SLC12A8: variants seen among roughly 807,000 people sequenced by gnomAD.
SLC12A8 encodes cation-chloride cotransporter 9.
Under a neutral mutation model 75.6 loss-of-function variants are expected in SLC12A8, and 69 were observed. The ratio of observed to expected loss-of-function variants is 0.91; its 90% CI spans 0.75 to 1.11. SLC12A8 has a LOEUF of 1.11. SLC12A8 is among the 50% of genes most tolerant of loss of function. The probability of loss-of-function intolerance (pLI) is 0.00; values close to 1 mark genes in which losing one functional copy is unlikely to be tolerated. For missense variants in SLC12A8, 877 were observed against 896.7 expected (o/e 0.98, Z 0.28); for synonymous variants, 365 against 372.8 (o/e 0.98, Z 0.24).
chr3:125,208,787 CACACAGAGAGAG>C (rs1343193068), intron 2 of SLC12A8, among the ~76,000 whole-genome samples: 1 of 106,298 alleles, frequency 9.4e-6, no homozygotes. Context: ...CACACACACA[CACACAGAGAGAG>C]AGAGAGAGAG....
intron 6 of SLC12A8, among the ~76,000 whole-genome samples, chr3:125,125,211 T>C (rs1010562048): frequency 2.6e-5 from 4 of 151,982 alleles, no homozygotes; most frequent in Non-Finnish European, 2.9e-5. Context: ...CATTTTATAA[T>C]TACTATTTGG....
intron 10 of SLC12A8, among the ~76,000 whole-genome samples, chr3:125,102,591 G>C (rs959924120): frequency 6.6e-6 from 1 of 152,158 alleles, no homozygotes; most frequent in Non-Finnish European, 1.5e-5. Flanking sequence ...GATGATGAGC[G>C]TCTGCACCAA....
intron 5 of SLC12A8, among the ~76,000 whole-genome samples, chr3:125,146,217 T>C (rs996536157): frequency 1.3e-5 from 2 of 152,150 alleles, no homozygotes; most frequent in Non-Finnish European, 2.9e-5. Context: ...AACAAAACTG[T>C]AGATAAGGGG....
intron 5 of SLC12A8, among the ~76,000 whole-genome samples, chr3:125,153,188 C>T (rs1465786870): frequency 6.6e-6 from 1 of 152,192 alleles, no homozygotes; most frequent in African/African-American, 2.4e-5. Flanking sequence ...CAGTCAGTCA[C>T]TCAGCAAAGT....
At chr3:125,165,713 G>A (rs1934270674) in intron 5 of SLC12A8, among the ~76,000 whole-genome samples, 1 of 152,156 alleles carries the variant, frequency 6.6e-6, no homozygotes, top group South Asian at 2.1e-4. Flanking sequence ...AACCTTCCAC[G>A]CAGTGTGTTC....
chr3:125,205,350 G>A lies in SLC12A8; in HGVS notation c.51+5949C>T, dbSNP rs987335986. Among the ~76,000 whole-genome samples the A allele has an allele frequency of 2.5e-4, 38 of 152,076 alleles. 1 individual carries two copies. Among genetic ancestry groups the A allele is most frequent in the Admixed American group, 2.5e-3 (38 of 15,272 alleles). The stretch of plus-strand genomic sequence containing the variant: ...TTCTCACCTCTGTAAGTTAAAATAC[G>A]GCGGGTACAAATGAGTCACAGAACC... On this transcript the variant is annotated intron_variant, in intron 2 of 13. Transcript: ENST00000469902.
chr3:125,154,654 C>T (rs1350065173), intron 5 of SLC12A8, among the ~76,000 whole-genome samples: 1 of 152,106 alleles, frequency 6.6e-6, no homozygotes, highest in South Asian at 2.1e-4. Context: ...ATATACACCA[C>T]GTTTTTTCCT....
intron 2 of SLC12A8, among the ~76,000 whole-genome samples, chr3:125,195,873 T>C (rs1935000908): frequency 6.6e-6 from 1 of 152,180 alleles, no homozygotes; most frequent in African/African-American, 2.4e-5. Flanking sequence ...TCCTCTGCCC[T>C]TCCCAACCTC....
At chr3:125,152,259 T>C (rs920987705) in intron 5 of SLC12A8, among the ~76,000 whole-genome samples, 1 of 152,182 alleles carries the variant, frequency 6.6e-6, no homozygotes, top group South Asian at 2.1e-4. Flanking sequence ...TGGCTGTTTG[T>C]TTGCTTTAGG....
chr3:125,161,406 TAAGGTC>T (rs1934164330), intron 5 of SLC12A8, among the ~76,000 whole-genome samples: 1 of 152,226 alleles, frequency 6.6e-6, no homozygotes, highest in Non-Finnish European at 1.5e-5. Flanking sequence ...GGATTTTGTT[TAAGGTC>T]AAGTCGGTCT....
intron 6 of SLC12A8, among the ~76,000 whole-genome samples, chr3:125,130,220 C>T (rs569300549): frequency 1.4e-4 from 21 of 152,102 alleles, no homozygotes; most frequent in Non-Finnish European, 2.2e-4. Context: ...GCTTTTTCAG[C>T]GGAAGGACAA....
chr3:125,090,234 T>C (rs1938552829), intron 12 of SLC12A8, among the ~76,000 whole-genome samples: 2 of 152,146 alleles, frequency 1.3e-5, no homozygotes, highest in Non-Finnish European at 2.9e-5. Flanking sequence ...CTGATATCTT[T>C]CTGTTATTTA....
intron 5 of SLC12A8, among the ~76,000 whole-genome samples, chr3:125,172,049 G>C (rs959451369): frequency 1.3e-5 from 2 of 152,042 alleles, no homozygotes; most frequent in African/African-American, 4.8e-5. Context: ...AGAGGCAGGC[G>C]GATCACCTGA....
rs772436266 is a variant in SLC12A8, at chr3:125,108,045, T to A, written c.1141A>T (p.Asn381Tyr). The A allele has an allele frequency of 6.2e-7, 1 of 1,614,074 alleles. No homozygotes were observed. Among genetic ancestry groups the A allele is most frequent in the East Asian group, 2.2e-5 (1 of 44,882 alleles). Residue 381 changes from asparagine to tyrosine, a missense_variant, in exon 10 of 14, where the codon AAC becomes TAC. Coordinates refer to ENST00000469902, the MANE Select transcript of SLC12A8 (RefSeq NM_024628.6). ...TMAFVFVGQV[N>Y]VLAPIVTINF... is the part of the protein sequence containing the mutation. ...ATGGTGACGATGGGGGCCAGAACGTTCACTTGACCCACAAAAACAAAGGCC... is the reference window on the plus strand; with the variant it reads ...ATGGTGACGATGGGGGCCAGAACGTACACTTGACCCACAAAAACAAAGGCC...
At chr3:125,154,188 G>A (rs534005624) in intron 5 of SLC12A8, among the ~76,000 whole-genome samples, 10 of 152,292 alleles carry the variant, frequency 6.6e-5, no homozygotes, top group Admixed American at 3.9e-4. Flanking sequence ...TTTAACTACC[G>A]TCCCCTTTCA....
intron 2 of SLC12A8, among the ~76,000 whole-genome samples, chr3:125,196,515 C>T (rs925797027): frequency 1.3e-5 from 2 of 152,254 alleles, no homozygotes; most frequent in Non-Finnish European, 2.9e-5. Flanking sequence ...AGAAGAATAA[C>T]CCCCATACTG....
chr3:125,085,919 T>G (rs568218477), intron 13 of SLC12A8, among the ~76,000 whole-genome samples: 1 of 152,094 alleles, frequency 6.6e-6, no homozygotes, highest in Admixed American at 6.5e-5. Flanking sequence ...TTCTTTTTTT[T>G]TTTGAGACAA....
chr3:125,203,112 A>G (rs1180119194), intron 2 of SLC12A8, among the ~76,000 whole-genome samples: 1 of 148,368 alleles, frequency 6.7e-6, no homozygotes, highest in Non-Finnish European at 1.5e-5. Context: ...AAAAAAAAGA[A>G]TTATTAGTGA....
chr3:125,155,621 A>ACTAGCCGGGTGTG, intron 5 of SLC12A8, among the ~76,000 whole-genome samples: 1 of 120,832 alleles, frequency 8.3e-6, no homozygotes, highest in East Asian at 2.5e-4. Context: ...AATACAAAAA[A>ACTAGCCGGGTGTG]GTAGCTGTAG....
Sources: gnomAD v4.1 joint callset for allele counts (sites outside exome capture counted in the v4.1 genomes callset) on GRCh38, gnomAD v4.1.1 for gene constraint, MANE v1.5 for transcripts, NCBI Gene and HGNC (gene_info 2026-07-23, HGNC 2026-07-21) for gene names.